CACNA1C: variants seen among roughly 807,000 people sequenced by gnomAD.
CACNA1C encodes voltage-dependent L-type calcium channel subunit alpha-1C.
In CACNA1C, 30 loss-of-function variants were observed where a neutral mutation model predicts 229.0. The observed-to-expected ratio is 0.13, with a 90% confidence interval of 0.10 to 0.18. The LOEUF is 0.18. Ranked by LOEUF, CACNA1C falls within the 10% of genes least tolerant of loss-of-function variation. The pLI is 1.00. For synonymous variants in CACNA1C, 1,114 were observed against 1,132.5 expected, an observed-to-expected ratio of 0.98 and a Z score of 0.33; for missense variants, 1,658 against 2,845.0, an observed-to-expected ratio of 0.58 and a Z score of 9.49.
intron 3 of CACNA1C, among the ~76,000 whole-genome samples, chr12:2,189,783 A>G (rs921248968): frequency 2.0e-5 from 3 of 148,730 alleles, no homozygotes; most frequent in African/African-American, 7.6e-5. Context: ...AAGGGCTCTT[A>G]CAACTAGTGA....
chr12:2,222,160 A>G (rs2061635877), intron 3 of CACNA1C: 1 of 152,254 alleles, frequency 6.6e-6, no homozygotes, highest in African/African-American at 2.4e-5. Context: ...TAAAAACTTA[A>G]AAAAAGCCCT....
intron 3 of CACNA1C, among the ~76,000 whole-genome samples, chr12:2,143,933 G>A (rs1415005730): frequency 6.7e-6 from 1 of 149,686 alleles, no homozygotes. Flanking sequence ...CTATTTACAT[G>A]CTATCTATAT....
chr12:2,186,482 C>T (rs1230940947), intron 3 of CACNA1C, among the ~76,000 whole-genome samples: 2 of 152,176 alleles, frequency 1.3e-5, no homozygotes, highest in Non-Finnish European at 2.9e-5. Context: ...CCCAAGAGAA[C>T]TTGCCTTCAC....
rs536203078 is a variant in CACNA1C at position 2,475,171 on chromosome 12, C to T, written c.758-10933C>T. On this transcript the variant is annotated intron_variant, in intron 5 of 46. Coordinates refer to ENST00000399655, the MANE Select transcript of CACNA1C (RefSeq NM_000719.7). The stretch of plus-strand genomic sequence containing the variant: ...AAAATTAGCCGGGCGCAGTAGTGGG[C>T]GCCTGTAGTCCCAGCTACTCGGGAG... Among the ~76,000 whole-genome samples, 24 of 151,982 alleles carry T rather than the reference C, an allele frequency of 1.6e-4. No individual in the cohort carries two copies. In the East Asian group the frequency reaches 2.7e-3, roughly 17 times the overall value.
chr12:2,119,750 C>T (rs891031379), intron 2 of CACNA1C, among the ~76,000 whole-genome samples: 4 of 152,234 alleles, frequency 2.6e-5, no homozygotes, highest in Admixed American at 1.3e-4. Flanking sequence ...GACCCCCTGC[C>T]GTACTCTTGG....
At chr12:2,144,171 T>A (rs2094513729) in intron 3 of CACNA1C, among the ~76,000 whole-genome samples, 1 of 151,302 alleles carries the variant, frequency 6.6e-6, no homozygotes. Flanking sequence ...TCTGCAGGAT[T>A]CTGACTGTAA....
chr12:2,584,758 A>G, intron 16 of CACNA1C, 141 bp downstream of exon 16: 1 of 608,938 alleles, frequency 1.6e-6, no homozygotes, highest in Non-Finnish European at 2.9e-6. Context: ...GGGCTTCCTA[A>G]GTTGGGCCTC....
At position 2,417,619 on chromosome 12, in the gene CACNA1C, G is replaced by A. The variant is rs113005917; in HGVS notation, c.478-31357G>A. ...GCAAGGTGGTCCAGGCGGATGACAA[G>A]GGAGAGGTAATGATGCTGTTAATCA... On this transcript the variant is annotated intron_variant, in intron 3 of 46. Transcript: ENST00000399655. Among the ~76,000 whole-genome samples, 1,495 of 152,244 alleles carry A rather than the reference G, an allele frequency of 9.8e-3. 25 individuals carry two copies. Among genetic ancestry groups the A allele is most frequent in the African/African-American group, 0.034 (1,409 of 41,536 alleles).
intron 5 of CACNA1C, among the ~76,000 whole-genome samples, chr12:2,480,718 G>C (rs1209373167): frequency 6.6e-6 from 1 of 152,194 alleles, no homozygotes; most frequent in East Asian, 1.9e-4. Context: ...TCCTAGTTCA[G>C]TGATTCTCAG....
At chr12:2,255,492 C>T (rs2077094663) in intron 3 of CACNA1C, among the ~76,000 whole-genome samples, 1 of 152,158 alleles carries the variant, frequency 6.6e-6, no homozygotes, top group Non-Finnish European at 1.5e-5. Flanking sequence ...TACAGATGGT[C>T]CCTGGCACAG....
chr12:2,284,335 A>G (rs887700705), intron 3 of CACNA1C, among the ~76,000 whole-genome samples: 4 of 150,720 alleles, frequency 2.7e-5, no homozygotes, highest in Admixed American at 6.6e-5. Context: ...AGTTACTGGA[A>G]TTTCTTCTGA....
intron 1 of CACNA1C, among the ~76,000 whole-genome samples, chr12:2,038,071 A>T (rs562744745): frequency 6.6e-6 from 1 of 152,104 alleles, no homozygotes; most frequent in Non-Finnish European, 1.5e-5. Flanking sequence ...ACTCCCTCCC[A>T]AAAGCACCCA....
At chr12:2,664,661 T>C (rs1329554764) in intron 34 of CACNA1C, among the ~76,000 whole-genome samples, 164 bp from the exon 35 acceptor site, 1 of 152,244 alleles carries the variant, frequency 6.6e-6, no homozygotes, top group African/African-American at 2.4e-5. Flanking sequence ...ATGTGTTTCA[T>C]ATTTAGCAAA....
At chr12:2,000,854 T>G (rs929096000) in intron 1 of CACNA1C, among the ~76,000 whole-genome samples, 3 of 152,132 alleles carry the variant, frequency 2.0e-5, no homozygotes, top group Admixed American at 2.0e-4. Context: ...CTGGCCAACA[T>G]GGTGAAACCC....
In CACNA1C at chr12:2,602,266, C is replaced by T. The variant is rs956553999; in HGVS notation, c.2960+306C>T. ...GACCTTCCTGCCTCCTCCACCACGG[C>T]CCCAGTGCCCTAGGCTGACCTTCAG... On this transcript the variant is annotated intron_variant, in intron 22 of 46. Transcript: ENST00000399655. This position sits in a 1 kb window ranked among gnomAD's most constrained non-coding sequence, Gnocchi z 4.4. 1.3e-5 allele frequency among the ~76,000 whole-genome samples: 2 copies of T among 152,198 alleles called. No homozygotes were observed. The highest frequency in any genetic ancestry group is 1.5e-5 in the Non-Finnish European group (1 of 68,030).
At chr12:2,137,618 A>G (rs1285378738) in intron 3 of CACNA1C, among the ~76,000 whole-genome samples, 1 of 151,228 alleles carries the variant, frequency 6.6e-6, no homozygotes, top group African/African-American at 2.4e-5. Context: ...ATATAAACAT[A>G]GAGGCATTAT....
intron 1 of CACNA1C, among the ~76,000 whole-genome samples, chr12:2,042,484 A>G (rs1322631185): frequency 6.6e-6 from 1 of 152,244 alleles, no homozygotes; most frequent in Non-Finnish European, 1.5e-5. Flanking sequence ...AATATATTTT[A>G]CATGATCGAA....
intron 3 of CACNA1C, among the ~76,000 whole-genome samples, chr12:2,246,756 G>T (rs949342786): frequency 6.6e-6 from 1 of 152,134 alleles, no homozygotes; most frequent in African/African-American, 2.4e-5. Context: ...CTTTTCTCCT[G>T]GTCCACACCG....
At chr12:2,628,629 G>C (rs867164) in intron 29 of CACNA1C, among the ~76,000 whole-genome samples, 2 of 152,246 alleles carry the variant, frequency 1.3e-5, no homozygotes, top group South Asian at 2.1e-4. Flanking sequence ...GTGGCTGACC[G>C]GGCGCAGTGG....
Sources: allele counts gnomAD v4.1 joint callset (sites outside exome capture counted in the v4.1 genomes callset), GRCh38; gene constraint gnomAD v4.1.1; non-coding constraint Gnocchi (gnomAD v3.1); transcripts MANE v1.5; gene names NCBI Gene and HGNC (gene_info 2026-07-23, HGNC 2026-07-21).